Variants in CREBZF observed in about 807,000 individuals in gnomAD.
The protein encoded by CREBZF is HCF-binding transcription factor Zhangfei.
A neutral mutation model predicts 21.1 loss-of-function variants in CREBZF; 8 were observed. The ratio of observed to expected loss-of-function variants is 0.38; its 90% CI spans 0.22 to 0.68. The LOEUF is 0.68. CREBZF is among the 30% of genes least tolerant of loss of function. The probability of loss-of-function intolerance (pLI) is 0.51; values close to 1 mark genes in which losing one functional copy is unlikely to be tolerated. For missense variants in CREBZF, 518 were observed against 484.3 expected (o/e 1.07, Z -0.65); for synonymous variants, 270 against 223.3 (o/e 1.21, Z -1.86).
chr11:85,673,951 C>T (rs1204923382), intron 1 of CREBZF, among the ~76,000 whole-genome samples: 2 of 152,172 alleles, frequency 1.3e-5, no homozygotes, highest in South Asian at 2.1e-4. Flanking sequence ...CATGAGACTG[C>T]AGTAATTCAG....
In CREBZF at chr11:85,660,720, CT is replaced by C; in HGVS notation, c.*3090del. 2.7e-6 allele frequency: 1 copy of C among 376,632 alleles called. No individual in the cohort carries two copies. The highest frequency in any genetic ancestry group is 5.2e-6 in the Non-Finnish European group (1 of 193,670). 23.3% of individuals were successfully genotyped at this position (376,632 alleles called of 1,614,324 possible). On this transcript the variant is annotated 3_prime_UTR_variant, in exon 1 of 1. Transcript: ENST00000527447. Reference sequence around the variant, plus strand: ...GTGACTACATTTTAACAAAAGTGGACTTTTTAAGATAAGTCTGGTCAAAGAA... The same window carrying C: ...GTGACTACATTTTAACAAAAGTGGACTTTTAAGATAAGTCTGGTCAAAGAA...
At chr11:85,666,504 T>C (rs928750230), upstream of CREBZF, among the ~76,000 whole-genome samples, 3 of 152,234 alleles carry the variant, frequency 2.0e-5, no homozygotes, top group African/African-American at 7.2e-5. Context: ...TTTCCTTTGT[T>C]CATGAGTAAA....
intron 1 of CREBZF, among the ~76,000 whole-genome samples, chr11:85,673,031 CCT>C (rs1442873282): frequency 8.5e-5 from 13 of 152,324 alleles, no homozygotes; most frequent in South Asian, 2.1e-4. Context: ...CTCATTTGCA[CCT>C]TCCAAATATG....
Position 85,660,479 on chromosome 11 carries a change from A to AT in CREBZF, c.*3331dup, listed in dbSNP as rs1419334076. 3 of 398,256 alleles carry AT rather than the reference A, an allele frequency of 7.5e-6. No individual in the cohort carries two copies. Among genetic ancestry groups the AT allele is most frequent in the East Asian group, 7.7e-5 (1 of 12,972 alleles). 24.7% of individuals were successfully genotyped at this position (398,256 alleles called of 1,614,324 possible). A position where few individuals can be genotyped will look rare whatever the true frequency, so the allele number is the denominator to read the frequency against. ...ATTTGGGAACTTGAAAATGGCATTC[A>AT]TTTTTTTCAGCAGATGCCAAATTTT... On this transcript the variant is annotated 3_prime_UTR_variant, in exon 1 of 1. Coordinates refer to ENST00000527447, the MANE Select transcript of CREBZF (RefSeq NM_001039618.4).
rs758332106 is a variant in CREBZF, at chr11:85,664,200, T to C, written c.676A>G (p.Lys226Glu). 2.5e-6 allele frequency: 4 copies of C among 1,613,120 alleles called. No homozygotes were observed. Among genetic ancestry groups the C allele is most frequent in the South Asian group, 1.1e-5 (1 of 91,068 alleles). ...CTCTCCAGCCCCATCACGTACTCCT[T>C]CTTCTTCAGTCGATTAAGGCGGGCA... ...AAARLNRLKK[K>E]EYVMGLESRV... Residue 226 changes from lysine (K) to glutamate (E), a missense_variant, in exon 1 of 1, where the codon AAG (lysine) becomes GAG (glutamate). Transcript: ENST00000527447. This position sits in a 1 kb window ranked among gnomAD's most constrained non-coding sequence, Gnocchi z 5.5.
chr11:85,669,001 C>CAAAAAAAAA (rs61718728), upstream of CREBZF, among the ~76,000 whole-genome samples: 159 of 33,206 alleles, frequency 4.8e-3, 17 homozygotes, highest in Non-Finnish European at 6.8e-3. Flanking sequence ...GACTCCGTCT[C>CAAAAAAAAA]AAAAAAAAAA....
Position 85,663,822 on chromosome 11 carries a change from G to A in CREBZF, c.1054C>T (p.Leu352Phe), listed in dbSNP as rs780845882. 2 of 1,599,830 alleles carry A rather than the reference G, an allele frequency of 1.3e-6. No homozygotes were observed. Among genetic ancestry groups the A allele is most frequent in the Non-Finnish European group, 1.7e-6 (2 of 1,175,422 alleles). ...CAGATTACTTGACCCTACATTTTAA[G>A]AGAAGACGACGCCTTCCGGGCGCAC... ...SACARKASSS[L>F]KM Residue 352 changes from leucine (L) to phenylalanine (F), a missense_variant, in exon 1 of 1, where the codon CTT becomes TTT. By Grantham distance (22) the Leu-to-Phe change is conservative (BLOSUM62 0). This residue lies in a region of CREBZF where 114 missense variants were observed against 134.1 expected (regional missense o/e 0.85). Coordinates refer to ENST00000527447, the MANE Select transcript of CREBZF (RefSeq NM_001039618.4).
rs2082687321 is a variant in CREBZF, at chr11:85,661,753, A to C, written c.*2058T>G. On this transcript the variant is annotated 3_prime_UTR_variant, in exon 1 of 1. Coordinates refer to ENST00000527447, the MANE Select transcript of CREBZF (RefSeq NM_001039618.4). Reference sequence around the variant, plus strand: ...AATAAATTCTTTGAGCCCATAACTAAAAGATCAACAAACCTGGTTTTATTA... The same window carrying C: ...AATAAATTCTTTGAGCCCATAACTACAAGATCAACAAACCTGGTTTTATTA... 6.6e-6 allele frequency: 1 copy of C among 152,508 alleles called. No homozygotes were observed. The allele number at this position is 152,508 out of a possible 1,614,324, so 9.4% of individuals were successfully genotyped here.
upstream of CREBZF, among the ~76,000 whole-genome samples, chr11:85,668,093 G>C (rs916334727): frequency 2.0e-5 from 3 of 151,854 alleles, no homozygotes; most frequent in African/African-American, 7.3e-5. Context: ...CTATTTTATT[G>C]ATCAGTTCTG....
intron 1 of CREBZF, among the ~76,000 whole-genome samples, chr11:85,670,270 T>A (rs1305354451): frequency 7.2e-5 from 4 of 55,894 alleles, no homozygotes; most frequent in Non-Finnish European, 9.6e-5. Flanking sequence ...AACACTTTAA[T>A]CCCCCCCCCC....
intron 1 of CREBZF, among the ~76,000 whole-genome samples, chr11:85,673,046 T>A (rs2082922273): frequency 6.6e-6 from 1 of 152,228 alleles, no homozygotes; most frequent in Admixed American, 6.5e-5. Flanking sequence ...CAAATATGGC[T>A]GCAGAGGAGT....
Position 85,658,719 on chromosome 11 carries a change from T to G in CREBZF, c.*5092A>C, listed in dbSNP as rs1337500324. ...ATATTTTATAAAGCCCAAATTATAG[T>G]ACACTAAGAGCCAGAGGGGTCTAGG... On this transcript the variant is annotated 3_prime_UTR_variant, in exon 1 of 1. Coordinates refer to ENST00000527447, the MANE Select transcript of CREBZF (RefSeq NM_001039618.4). Among the ~76,000 whole-genome samples, 2 of 151,568 alleles carry G rather than the reference T, an allele frequency of 1.3e-5. No homozygotes were observed. Among genetic ancestry groups the G allele is most frequent in the Non-Finnish European group, 2.9e-5 (2 of 67,816 alleles).
upstream of CREBZF, among the ~76,000 whole-genome samples, chr11:85,667,966 T>TAA (rs10632068): frequency 0.17 from 25,317 of 146,646 alleles, 2,583 homozygotes; most frequent in East Asian, 0.29. Flanking sequence ...TAAGACTATG[T>TAA]AAAAAAAAAA....
upstream of CREBZF, among the ~76,000 whole-genome samples, chr11:85,667,602 T>C (rs551921444): frequency 1.3e-5 from 2 of 152,322 alleles, no homozygotes; most frequent in African/African-American, 2.4e-5. Flanking sequence ...TTAAAAATCA[T>C]TTTACCATTT....
intron 1 of CREBZF, among the ~76,000 whole-genome samples, chr11:85,678,337 T>A (rs1205200911): frequency 6.6e-6 from 1 of 152,148 alleles, no homozygotes; most frequent in Non-Finnish European, 1.5e-5. Flanking sequence ...CTTCTAGGCC[T>A]TTCAGTTGAC....
upstream of CREBZF, among the ~76,000 whole-genome samples, chr11:85,669,861 G>T (rs941379959): frequency 6.6e-6 from 1 of 152,206 alleles, no homozygotes; most frequent in Non-Finnish European, 1.5e-5. Context: ...AGGCTAGAGT[G>T]CAGTGACACA....
rs1202459211 is a variant in CREBZF at position 85,658,394 on chromosome 11, A to G, written c.*5417T>C. Among the ~76,000 whole-genome samples the G allele has an allele frequency of 6.6e-6, 1 of 152,056 alleles. No individual in the cohort carries two copies. The highest frequency in any genetic ancestry group is 6.5e-5 in the Admixed American group (1 of 15,268). ...ATTTCTAATATCTGTCCTCTGCCAC[A>G]TATTTTTAAATTATCTTTTCCATTA... On this transcript the variant is annotated 3_prime_UTR_variant, in exon 1 of 1. Transcript: ENST00000527447.
At chr11:85,682,646 T>A in intron 1 of CREBZF, 3 of 330,524 alleles carry the variant, frequency 9.1e-6, no homozygotes, top group Non-Finnish European at 1.7e-5. Flanking sequence ...TTCCCCCATA[T>A]AACGTGGAGT....
chr11:85,668,284 T>G (rs138824146), upstream of CREBZF, among the ~76,000 whole-genome samples: 1 of 152,244 alleles, frequency 6.6e-6, no homozygotes, highest in African/African-American at 2.4e-5. Flanking sequence ...AGAATTTTTA[T>G]GGAAATTGCA....
Sources: allele counts gnomAD v4.1 joint callset (sites outside exome capture counted in the v4.1 genomes callset), GRCh38; gene constraint gnomAD v4.1.1; regional missense constraint gnomAD v4.1.1; non-coding constraint Gnocchi (gnomAD v3.1); transcripts MANE v1.5; gene names NCBI Gene and HGNC (gene_info 2026-07-23, HGNC 2026-07-21).